The following STAG1 variants were observed in gnomAD, a reference collection of about 807,000 sequenced individuals.
STAG1 encodes cohesin subunit SA-1.
In STAG1, 26 loss-of-function variants were observed where a neutral mutation model predicts 170.9. The ratio of observed to expected loss-of-function variants is 0.15; its 90% confidence interval spans 0.11 to 0.21. The LOEUF is 0.21. STAG1 is among the 10% of genes least tolerant of loss of function. STAG1 has a pLI of 1.00. For missense variants in STAG1, 964 were observed against 1,509.5 expected (o/e 0.64, Z 5.99); for synonymous variants, 514 against 497.7 (o/e 1.03, Z -0.44).
chr3:136,475,907 A>T (rs2089737177), intron 10 of STAG1, among the ~76,000 whole-genome samples: 1 of 152,192 alleles, frequency 6.6e-6, no homozygotes, highest in African/African-American at 2.4e-5. Context: ...TAGAAAGAGA[A>T]CTGATGATAC....
At chr3:136,711,999 G>A (rs999559741) in intron 1 of STAG1, among the ~76,000 whole-genome samples, 1 of 152,106 alleles carries the variant, frequency 6.6e-6, no homozygotes, top group Non-Finnish European at 1.5e-5. Context: ...CCTGACGTAT[G>A]TACCTATTCA....
At chr3:136,485,510 A>C (rs554107816) in intron 9 of STAG1, among the ~76,000 whole-genome samples, 3 of 152,320 alleles carry the variant, frequency 2.0e-5, no homozygotes, top group South Asian at 2.1e-4. Flanking sequence ...CTAGACCTAC[A>C]TAATACTGAA....
At chr3:136,368,354 G>A (rs1356162612) in intron 24 of STAG1, among the ~76,000 whole-genome samples, 1 of 152,102 alleles carries the variant, frequency 6.6e-6, no homozygotes, top group Non-Finnish European at 1.5e-5. Flanking sequence ...ATATTGCTAA[G>A]TTATCATTCT....
chr3:136,349,107 A>C (rs1464137413), intron 29 of STAG1, 51 bp downstream of exon 29: 1 of 1,303,718 alleles, frequency 7.7e-7, no homozygotes, highest in Non-Finnish European at 1.1e-6. Context: ...TTACTACTTT[A>C]TCTCTTTAAA....
intron 21 of STAG1, among the ~76,000 whole-genome samples, chr3:136,399,982 G>T (rs967137427): frequency 2.0e-5 from 3 of 152,058 alleles, no homozygotes; most frequent in Non-Finnish European, 2.9e-5. Context: ...GAGTGCAGTG[G>T]TGTGATCACG....
intron 24 of STAG1, among the ~76,000 whole-genome samples, chr3:136,367,752 GAAAC>G (rs1243215406): frequency 6.6e-6 from 1 of 151,984 alleles, no homozygotes; most frequent in African/African-American, 2.4e-5. Context: ...TATCAACTGA[GAAAC>G]AAAATATTTT....
At chr3:136,648,862 C>T (rs1307160315) in intron 1 of STAG1, among the ~76,000 whole-genome samples, 1 of 152,192 alleles carries the variant, frequency 6.6e-6, no homozygotes, top group Non-Finnish European at 1.5e-5. Flanking sequence ...TGCCGCAATT[C>T]AATTCTCCAC....
At chr3:136,714,946 TATATA>T (rs1943484089) in intron 1 of STAG1, among the ~76,000 whole-genome samples, 2 of 74,944 alleles carry the variant, frequency 2.7e-5, no homozygotes, top group African/African-American at 8.7e-5. Flanking sequence ...TAAATATATA[TATATA>T]TATATATATA....
intron 21 of STAG1, among the ~76,000 whole-genome samples, chr3:136,410,482 C>A (rs2087595828): frequency 6.6e-6 from 1 of 152,070 alleles, no homozygotes; most frequent in Admixed American, 6.6e-5. Context: ...CCACAAACAA[C>A]ACATTAGTAG....
chr3:136,683,730 C>T (rs1297403268), intron 1 of STAG1, among the ~76,000 whole-genome samples: 3 of 152,094 alleles, frequency 2.0e-5, no homozygotes, highest in Non-Finnish European at 4.4e-5. Flanking sequence ...AAAAGGCATA[C>T]AGAATGGGAA....
Position 136,604,382 on chromosome 3 carries a change from T to C in STAG1, c.224A>G (p.His75Arg), listed in dbSNP as rs1344355288. 1 of 1,613,892 alleles carries C rather than the reference T, an allele frequency of 6.2e-7. No individual in the cohort carries two copies. The highest frequency in any genetic ancestry group is 8.5e-7 in the Non-Finnish European group (1 of 1,179,898). Reference sequence around the variant, plus strand: ...CTCCCCTTCCCCATTCTGTTGAGGGTGTCCATTAGCTCTTCCACGGCCTGC... The same window carrying C: ...CTCCCCTTCCCCATTCTGTTGAGGGCGTCCATTAGCTCTTCCACGGCCTGC... ...RGAGRGRANG[H>R]PQQNGEGEPV... is the part of the protein sequence containing the mutation. Residue 75 changes from histidine (H) to arginine (R), a missense_variant, in exon 4 of 34, where the codon CAC becomes CGC. His to Arg is a conservative substitution (Grantham distance 29). Around this residue, in one of 11 missense-constraint regions of STAG1, gnomAD observed 108 missense variants for 120.2 expected, o/e 0.90. Transcript: ENST00000383202.
intron 1 of STAG1, among the ~76,000 whole-genome samples, chr3:136,706,899 T>C (rs534314200): frequency 3.3e-5 from 5 of 152,162 alleles, no homozygotes; most frequent in Admixed American, 6.6e-5. Flanking sequence ...AGTTCAAAAA[T>C]ACACTCTATG....
At chr3:136,496,673 A>T (rs1011295043) in intron 9 of STAG1, among the ~76,000 whole-genome samples, 41 of 152,330 alleles carry the variant, frequency 2.7e-4, no homozygotes, top group African/African-American at 9.9e-4. Context: ...TTATAGGAGT[A>T]AATTCCCTTA....
intron 5 of STAG1, among the ~76,000 whole-genome samples, chr3:136,557,480 T>G (rs1030575762): frequency 2.6e-5 from 4 of 152,206 alleles, no homozygotes; most frequent in Non-Finnish European, 5.9e-5. Flanking sequence ...CTAGAAAGCT[T>G]TTATAAGAAA....
At chr3:136,440,939 G>C (rs1370189972) in intron 15 of STAG1, among the ~76,000 whole-genome samples, 1 of 151,910 alleles carries the variant, frequency 6.6e-6, no homozygotes, top group African/African-American at 2.4e-5. Flanking sequence ...ATATTCCTGT[G>C]ATCACAAAAG....
chr3:136,410,068 T>TAAA lies in STAG1; in HGVS notation c.2196+7814_2196+7816dup, dbSNP rs766763989. 2.1e-3 allele frequency among the ~76,000 whole-genome samples: 200 copies of TAAA among 93,034 alleles called. 2 individuals are homozygous for TAAA. The highest frequency in any genetic ancestry group is 3.1e-3 in the Non-Finnish European group (151 of 48,556). 61.0% of individuals were successfully genotyped at this position (93,034 alleles called of 152,430 possible). A position where few individuals can be genotyped will look rare whatever the true frequency, so the allele number is the denominator to read the frequency against. On this transcript the variant is annotated intron_variant, in intron 21 of 33. Transcript: ENST00000383202. ...CTGTGCAACAGGGAAAGTCCTTGTCTAAAAAAAAAAAAAAAAAAAAAAGAT... is the reference window on the plus strand; with the variant it reads ...CTGTGCAACAGGGAAAGTCCTTGTCTAAAAAAAAAAAAAAAAAAAAAAAAAGAT...
chr3:136,710,579 T>A (rs993422001), intron 1 of STAG1, among the ~76,000 whole-genome samples: 3 of 152,218 alleles, frequency 2.0e-5, no homozygotes, highest in Non-Finnish European at 4.4e-5. Context: ...GATTGCAATG[T>A]GCATACTGTA....
intron 12 of STAG1, among the ~76,000 whole-genome samples, chr3:136,468,991 A>C (rs1459719557): frequency 6.6e-6 from 1 of 152,210 alleles, no homozygotes; most frequent in Non-Finnish European, 1.5e-5. Flanking sequence ...GTATCTCAAA[A>C]TAATAAGAGC....
chr3:136,696,307 T>A (rs1388797609), intron 1 of STAG1, among the ~76,000 whole-genome samples: 1 of 152,074 alleles, frequency 6.6e-6, no homozygotes, highest in African/African-American at 2.4e-5. Flanking sequence ...CCTGGAAGCA[T>A]GTGCTTTGTA....
Sources: allele counts gnomAD v4.1 joint callset (sites outside exome capture counted in the v4.1 genomes callset), GRCh38; gene constraint gnomAD v4.1.1; regional missense constraint gnomAD v4.1.1; transcripts MANE v1.5; gene names NCBI Gene and HGNC (gene_info 2026-07-23, HGNC 2026-07-21).